Variants in LMTK2 observed in about 807,000 individuals in gnomAD.
LMTK2 encodes the protein serine/threonine-protein kinase LMTK2.
LMTK2 carries 37 observed loss-of-function variants against 127.5 expected under a neutral mutation model. The ratio of observed to expected loss-of-function variants is 0.29; its 90% CI spans 0.22 to 0.38. LMTK2 has a LOEUF of 0.38. LMTK2 is among the 10% of genes least tolerant of loss of function. The pLI, the probability that LMTK2 is intolerant of heterozygous loss-of-function variation, is 1.00. For synonymous variants in LMTK2, 819 were observed against 810.1 expected, an observed-to-expected ratio of 1.01 and a Z score of -0.19; for missense variants, 1,694 against 1,920.3, an observed-to-expected ratio of 0.88 and a Z score of 2.20.
chr7:98,203,805 C>G (rs1797744825), intron 12 of LMTK2, 99 bp downstream of exon 12: 1 of 1,571,066 alleles, frequency 6.4e-7, no homozygotes, highest in African/African-American at 1.4e-5. Flanking sequence ...ATGACGCCCC[C>G]TGACATGGGC....
intron 6 of LMTK2, among the ~76,000 whole-genome samples, chr7:98,167,872 G>C (rs1187692382): frequency 1.3e-5 from 2 of 152,160 alleles, no homozygotes; most frequent in African/African-American, 4.8e-5. Context: ...CGAGGAAGGA[G>C]CGGCCAGTGG....
At chr7:98,166,485 T>C (rs1316606952) in intron 6 of LMTK2, among the ~76,000 whole-genome samples, 1 of 152,272 alleles carries the variant, frequency 6.6e-6, no homozygotes, top group Non-Finnish European at 1.5e-5. Context: ...AATGTGTTTT[T>C]GTTTTAACCT....
At position 98,193,445 on chromosome 7, in the gene LMTK2, C is replaced by T. The variant is rs1797568458; in HGVS notation, c.2980C>T (p.Leu994=). The part of the protein sequence containing the change: ...SAPFPASEPS[L]ETPDSLESVD... ...ACCCTTCCCAGCCTCTGAGCCGTCC[C>T]TGGAAACCCCGGACTCTCTGGAGTC... The change falls in exon 11 of 14, where the codon CTG becomes TTG. Residue 994 remains leucine (L), a synonymous_variant. Coordinates refer to ENST00000297293, the MANE Select transcript of LMTK2 (RefSeq NM_014916.4). The surrounding 1 kb of genome is among the most constrained non-coding windows in gnomAD (Gnocchi z 4.1). The T allele has an allele frequency of 6.2e-7, 1 of 1,614,168 alleles. No homozygotes were observed.
intron 2 of LMTK2, 44 bp from the exon 3 acceptor site, chr7:98,141,353 A>T (rs746885064): frequency 1.3e-6 from 2 of 1,571,038 alleles, no homozygotes; most frequent in Non-Finnish European, 1.7e-6. Context: ...TCCTATTTTA[A>T]ATGTTAGCCA....
At chr7:98,111,339 C>T (rs1009992458) in intron 1 of LMTK2, among the ~76,000 whole-genome samples, 1 of 152,188 alleles carries the variant, frequency 6.6e-6, no homozygotes, top group Non-Finnish European at 1.5e-5. Context: ...AAATAAGGGA[C>T]GTCCAGGGTT....
chr7:98,203,875 GC>G, intron 12 of LMTK2, 68 bp from the exon 13 acceptor site: 11 of 1,595,876 alleles, frequency 6.9e-6, no homozygotes, highest in Non-Finnish European at 9.4e-6. Context: ...GGGCGCACCT[GC>G]CCAGAGGCTC....
intron 2 of LMTK2, among the ~76,000 whole-genome samples, chr7:98,140,698 C>A (rs1009523791): frequency 6.6e-6 from 1 of 151,950 alleles, no homozygotes; most frequent in Non-Finnish European, 1.5e-5. Flanking sequence ...AATGCATATA[C>A]AACTTTAAAA....
chr7:98,116,770 A>G (rs1183810256), intron 1 of LMTK2, among the ~76,000 whole-genome samples: 2 of 152,142 alleles, frequency 1.3e-5, no homozygotes, highest in African/African-American at 4.8e-5. Flanking sequence ...ATATTTCTCT[A>G]GTGTCTTTTT....
In LMTK2 at chr7:98,194,341, C is replaced by T. The variant is rs144559468; in HGVS notation, c.3876C>T (p.Asp1292=). Residue 1292 remains aspartate (D), a synonymous_variant, in exon 11 of 14, where the codon GAC becomes GAT. Transcript: ENST00000297293. The surrounding 1 kb of genome is among the most constrained non-coding windows in gnomAD (Gnocchi z 5.4). ...MDADEEDENS[D]DSDEDLRAFN... is the part of the protein sequence containing the mutation. ...CAGACGAGGAGGACGAAAACAGCGACGACTCGGACGAGGACCTGCGGGCCT... is the reference window on the plus strand; with the variant it reads ...CAGACGAGGAGGACGAAAACAGCGATGACTCGGACGAGGACCTGCGGGCCT... 47 of 1,614,014 alleles carry T rather than the reference C, an allele frequency of 2.9e-5. No homozygotes were observed. The highest frequency in any genetic ancestry group is 4.0e-5 in the African/African-American group (3 of 74,926).
intron 1 of LMTK2, among the ~76,000 whole-genome samples, chr7:98,130,427 A>G (rs1796505281): frequency 6.6e-6 from 1 of 152,156 alleles, no homozygotes; most frequent in South Asian, 2.1e-4. Flanking sequence ...ATGTGCACCT[A>G]CTGGTCTTTG....
chr7:98,189,787 G>A (rs556820193), intron 9 of LMTK2, among the ~76,000 whole-genome samples: 59 of 152,258 alleles, frequency 3.9e-4, no homozygotes, highest in African/African-American at 1.2e-3. Flanking sequence ...TGAGAAGGGC[G>A]TTCCTGCTGT....
chr7:98,196,929 A>G (rs530325503), intron 11 of LMTK2, among the ~76,000 whole-genome samples: 1 of 152,346 alleles, frequency 6.6e-6, no homozygotes, highest in Admixed American at 6.5e-5. Context: ...CGTCTCATGC[A>G]GCATGCCTTG....
chr7:98,188,589 C>T (rs1165173743), intron 9 of LMTK2, among the ~76,000 whole-genome samples: 4 of 152,170 alleles, frequency 2.6e-5, no homozygotes, highest in African/African-American at 4.8e-5. Context: ...TGAGCCATCG[C>T]GCCCAACCCT....
At chr7:98,141,345 C>T in intron 2 of LMTK2, 52 bp from the exon 3 acceptor site, 5 of 1,533,130 alleles carry the variant, frequency 3.3e-6, no homozygotes, top group Non-Finnish European at 4.5e-6. Context: ...AAATATGTTC[C>T]TATTTTAAAT....
At chr7:98,136,181 C>G (rs1447396773) in intron 1 of LMTK2, among the ~76,000 whole-genome samples, 1 of 152,020 alleles carries the variant, frequency 6.6e-6, no homozygotes, top group African/African-American at 2.4e-5. Context: ...GTTGGAGCCA[C>G]AAAATAAGTG....
chr7:98,107,300 G>T lies in LMTK2; in HGVS notation c.103+20G>T, dbSNP rs1276831804. Reference sequence around the variant, plus strand: ...GTGCAGGTGAGCGGGCCCGCGGCGGGGACGGGGCTGCGGGGTCTTCGGCGT... The same window carrying T: ...GTGCAGGTGAGCGGGCCCGCGGCGGTGACGGGGCTGCGGGGTCTTCGGCGT... On this transcript the variant is annotated intron_variant, in intron 1 of 13. Coordinates refer to ENST00000297293, the MANE Select transcript of LMTK2 (RefSeq NM_014916.4). 7.5e-7 allele frequency: 1 copy of T among 1,329,372 alleles called. No individual in the cohort carries two copies. Among genetic ancestry groups the T allele is most frequent in the African/African-American group, 1.5e-5 (1 of 65,026 alleles). The allele number at this position is 1,329,372 out of a possible 1,614,324, so 82.3% of individuals were successfully genotyped here. A position where few individuals can be genotyped will look rare whatever the true frequency, so the allele number is the denominator to read the frequency against.
chr7:98,203,566 C>T lies in LMTK2; in HGVS notation c.4108-8C>T, dbSNP rs777431362. 6.3e-6 allele frequency: 10 copies of T among 1,578,766 alleles called. No homozygotes were observed. The highest frequency in any genetic ancestry group is 7.7e-6 in the Non-Finnish European group (9 of 1,168,958). ...TTTGCTGACAGGAGTTTCTGTTTGA[C>T]TTTTCAGGAGACCCCAACCAAAGAG... On this transcript the variant is annotated splice_region_variant and splice_polypyrimidine_tract_variant and intron_variant, in intron 11 of 13. Coordinates refer to ENST00000297293, the MANE Select transcript of LMTK2 (RefSeq NM_014916.4).
chr7:98,177,974 G>C (rs1297783781), intron 7 of LMTK2, among the ~76,000 whole-genome samples: 5 of 152,202 alleles, frequency 3.3e-5, no homozygotes, highest in African/African-American at 1.2e-4. Flanking sequence ...CTTTGTGGCT[G>C]CCAGAGTCAG....
At chr7:98,147,262 A>G (rs1406349114) in intron 3 of LMTK2, among the ~76,000 whole-genome samples, 2 of 151,758 alleles carry the variant, frequency 1.3e-5, no homozygotes, top group Non-Finnish European at 2.9e-5. Flanking sequence ...TTTGTCACCC[A>G]GGCTAGATTG....
Sources: allele counts gnomAD v4.1 joint callset (sites outside exome capture counted in the v4.1 genomes callset), GRCh38; gene constraint gnomAD v4.1.1; non-coding constraint Gnocchi (gnomAD v3.1); transcripts MANE v1.5; gene names NCBI Gene and HGNC (gene_info 2026-07-23, HGNC 2026-07-21).